The following ARFGEF3 variants were observed in gnomAD, a reference collection of about 807,000 sequenced individuals.
ARFGEF3 encodes ARFGEF family member 3, also known as brefeldin A-inhibited guanine nucleotide-exchange protein 3.
In ARFGEF3, 96 loss-of-function variants were observed where a neutral mutation model predicts 221.7. That is an observed-to-expected ratio of 0.43 (90% CI 0.37 to 0.51). ARFGEF3 has a LOEUF of 0.51. ARFGEF3 is among the 20% of genes least tolerant of loss of function. The pLI, the probability that ARFGEF3 is intolerant of heterozygous loss-of-function variation, is 0.00. For missense variants in ARFGEF3, 2,410 were observed against 2,789.9 expected, an observed-to-expected ratio of 0.86 and a Z score of 3.07; for synonymous variants, 1,145 against 1,126.8, an observed-to-expected ratio of 1.02 and a Z score of -0.32.
intron 4 of ARFGEF3, 90 bp downstream of exon 4, chr6:138,210,131 G>T (rs1463556011): frequency 6.7e-6 from 9 of 1,334,606 alleles, no homozygotes; most frequent in African/African-American, 2.9e-5. Flanking sequence ...CCTCTGCGTT[G>T]TGGTCATGCT....
chr6:138,217,956 T>C, intron 4 of ARFGEF3: 1 of 1,552,964 alleles, frequency 6.4e-7, no homozygotes, highest in South Asian at 1.3e-5. Context: ...ATTTTTATTT[T>C]TCTGGAAAGG....
rs762032751 is a variant in ARFGEF3 at position 138,334,967 on chromosome 6, T to C, written c.6121T>C (p.Phe2041Leu). 3 of 1,586,500 alleles carry C rather than the reference T, an allele frequency of 1.9e-6. No homozygotes were observed. Among genetic ancestry groups the C allele is most frequent in the Admixed American group, 3.6e-5 (2 of 55,168 alleles). Residue 2041 changes from phenylalanine (F) to leucine (L), a missense_variant, in exon 33 of 34, where the codon TTC becomes CTC. This residue lies in a region of ARFGEF3 where 339 missense variants were observed against 334.9 expected (regional missense o/e 1.01). Coordinates refer to ENST00000251691, the MANE Select transcript of ARFGEF3 (RefSeq NM_020340.5). The surrounding 1 kb of genome is among the most constrained non-coding windows in gnomAD (Gnocchi z 5.1). The stretch of plus-strand genomic sequence containing the variant: ...GAAACAGCAGCACAACCTGTCCGCG[T>C]TCCCCAAAGAGGTCAAAGTGGAGAA... Reference protein sequence around the residue: ...KRKQQHNLSAFPKEVKVEKKG... With the variant: ...KRKQQHNLSALPKEVKVEKKG...
chr6:138,222,121 T>C (rs1024703323), intron 4 of ARFGEF3, among the ~76,000 whole-genome samples: 1 of 152,220 alleles, frequency 6.6e-6, no homozygotes, highest in Non-Finnish European at 1.5e-5. Flanking sequence ...AGATTCTAGC[T>C]GTCAGCCTTT....
intron 2 of ARFGEF3, among the ~76,000 whole-genome samples, chr6:138,178,937 C>A (rs370262965): frequency 6.6e-6 from 1 of 152,134 alleles, no homozygotes; most frequent in Non-Finnish European, 1.5e-5. Flanking sequence ...AAGCCCTGCC[C>A]CACCTAATGT....
At chr6:138,262,488 G>A (rs1025172146) in intron 11 of ARFGEF3, among the ~76,000 whole-genome samples, 2 of 152,118 alleles carry the variant, frequency 1.3e-5, no homozygotes, top group Non-Finnish European at 1.5e-5. Context: ...CACTGTGCCC[G>A]GCCAATGCAG....
At chr6:138,252,144 T>C (rs1007162069) in intron 8 of ARFGEF3, among the ~76,000 whole-genome samples, 2 of 152,194 alleles carry the variant, frequency 1.3e-5, no homozygotes, top group East Asian at 1.9e-4. Context: ...AGACAGAGTA[T>C]ATCCAAATAT....
chr6:138,325,842 T>G (rs1173801215), intron 31 of ARFGEF3, among the ~76,000 whole-genome samples: 1 of 151,896 alleles, frequency 6.6e-6, no homozygotes. Context: ...TTCTGTTGTT[T>G]TTGTTGTTGT....
chr6:138,289,755 A>G lies in ARFGEF3; in HGVS notation c.2897-63A>G, dbSNP rs1032681042. 2.1e-5 allele frequency: 33 copies of G among 1,535,968 alleles called. No individual in the cohort carries two copies. The African/African-American group carries it at 3.8e-4, about 18-fold the overall frequency. ...GCCCTTGCATGACACACATTCTTTC[A>G]TTTTCATTCTTTCTGTCTCCCTTAC... On this transcript the variant is annotated intron_variant, in intron 17 of 33. Transcript: ENST00000251691.
intron 32 of ARFGEF3, among the ~76,000 whole-genome samples, chr6:138,330,326 A>G (rs1263872676): frequency 1.3e-5 from 2 of 152,166 alleles, no homozygotes; most frequent in African/African-American, 4.8e-5. Flanking sequence ...GTGAGGATTC[A>G]TGGAGAAGAT....
chr6:138,316,704 G>C (rs1190817715), intron 26 of ARFGEF3, among the ~76,000 whole-genome samples: 1 of 152,150 alleles, frequency 6.6e-6, no homozygotes, highest in Non-Finnish European at 1.5e-5. Flanking sequence ...TACATTAGAG[G>C]TACCAGGGAC....
At chr6:138,233,594 G>A (rs1272029661) in intron 5 of ARFGEF3, among the ~76,000 whole-genome samples, 1 of 152,020 alleles carries the variant, frequency 6.6e-6, no homozygotes, top group African/African-American at 2.4e-5. Flanking sequence ...GGCCAGGCTG[G>A]TCTCTAACTC....
At chr6:138,285,914 T>G (rs1401961262) in intron 14 of ARFGEF3, 32 bp from the exon 15 acceptor site, 1 of 1,393,884 alleles carries the variant, frequency 7.2e-7, no homozygotes, top group Non-Finnish European at 1.0e-6. Flanking sequence ...AGTGTTTTAT[T>G]TAGGGAAAAC....
chr6:138,242,720 GA>G (rs1303091373), intron 6 of ARFGEF3, among the ~76,000 whole-genome samples: 1 of 152,158 alleles, frequency 6.6e-6, no homozygotes, highest in African/African-American at 2.4e-5. Context: ...AAACGTGACT[GA>G]ATTATTTTGG....
At chr6:138,215,393 G>A (rs532059421) in intron 4 of ARFGEF3, among the ~76,000 whole-genome samples, 1 of 152,132 alleles carries the variant, frequency 6.6e-6, no homozygotes, top group Non-Finnish European at 1.5e-5. Context: ...CTATTACTGG[G>A]TGTCTTTTTT....
At chr6:138,285,149 G>T (rs961524388) in intron 14 of ARFGEF3, among the ~76,000 whole-genome samples, 1 of 152,168 alleles carries the variant, frequency 6.6e-6, no homozygotes, top group African/African-American at 2.4e-5. Flanking sequence ...AAAATGTTTT[G>T]TGAAAACACT....
chr6:138,254,476 G>A lies in ARFGEF3; in HGVS notation c.770+492G>A, dbSNP rs150053249. 3.6e-4 allele frequency among the ~76,000 whole-genome samples: 55 copies of A among 151,230 alleles called. 1 individual carries two copies. The East Asian group carries it at 9.0e-3, about 25-fold the overall frequency. On this transcript the variant is annotated intron_variant, in intron 9 of 33. Transcript: ENST00000251691. ...TAATAGGCCGGGCCCAATGGCTCAC[G>A]CTCCCTGCACTTTGGGAGACCTAGG...
chr6:138,193,049 G>A (rs1413507013), intron 2 of ARFGEF3, among the ~76,000 whole-genome samples: 3 of 152,130 alleles, frequency 2.0e-5, no homozygotes, highest in Non-Finnish European at 4.4e-5. Flanking sequence ...ACTGGCTAAA[G>A]GTTAGTTTCT....
chr6:138,294,025 T>A lies in ARFGEF3; in HGVS notation c.3401T>A (p.Leu1134His). ...LFEDATDKLN[L>H]MALGGFLYQL... is the part of the protein sequence containing the mutation. ...GAAGATGCTACGGATAAGTTGAACC[T>A]CATGGCCTTGGGAGGTTTTCTTTAC... Residue 1134 changes from leucine to histidine, a missense_variant, in exon 20 of 34, where the codon CTC (leucine) becomes CAC (histidine). Physicochemically the swap from Leu to His is moderately conservative, Grantham distance 99. Coordinates refer to ENST00000251691, the MANE Select transcript of ARFGEF3 (RefSeq NM_020340.5). The A allele has an allele frequency of 6.2e-7, 1 of 1,613,976 alleles. No individual in the cohort carries two copies. The highest frequency in any genetic ancestry group is 8.5e-7 in the Non-Finnish European group (1 of 1,179,838).
intron 14 of ARFGEF3, among the ~76,000 whole-genome samples, chr6:138,281,585 A>G (rs1779198096): frequency 6.6e-6 from 1 of 152,194 alleles, no homozygotes; most frequent in Non-Finnish European, 1.5e-5. Flanking sequence ...CTGTTCCTGC[A>G]TTAACTCGTT....
Sources: allele counts gnomAD v4.1 joint callset (sites outside exome capture counted in the v4.1 genomes callset), GRCh38; gene constraint gnomAD v4.1.1; regional missense constraint gnomAD v4.1.1; non-coding constraint Gnocchi (gnomAD v3.1); transcripts MANE v1.5; gene names NCBI Gene and HGNC (gene_info 2026-07-23, HGNC 2026-07-21).